AGPAT5: variants seen among roughly 807,000 people sequenced by gnomAD.
The protein encoded by AGPAT5 is 1-acylglycerol-3-phosphate O-acyltransferase 5, also known as 1-acyl-sn-glycerol-3-phosphate acyltransferase epsilon.
Under a neutral mutation model 45.6 loss-of-function variants are expected in AGPAT5, and 46 were observed. That is an observed-to-expected ratio of 1.01 (90% CI 0.80 to 1.29). The LOEUF (loss-of-function observed/expected upper bound fraction) is 1.29. Among genes scored for constraint, AGPAT5 ranks in the 50% most tolerant of loss-of-function variants. The probability of loss-of-function intolerance (pLI) is 0.00; values close to 1 mark genes in which losing one functional copy is unlikely to be tolerated. For missense variants in AGPAT5, 673 were observed against 450.7 expected (o/e 1.49, Z -4.47); for synonymous variants, 272 against 167.0 (o/e 1.63, Z -4.85).
At chr8:6,731,311 G>A (rs1563292057) in intron 3 of AGPAT5, among the ~76,000 whole-genome samples, 1 of 151,954 alleles carries the variant, frequency 6.6e-6, no homozygotes, top group Non-Finnish European at 1.5e-5. Context: ...ATCCATATGC[G>A]GTTTTCCTTC....
In AGPAT5 at chr8:6,753,136, G is replaced by A. The variant is rs1801711598; in HGVS notation, c.746-1915G>A. On this transcript the variant is annotated intron_variant, in intron 6 of 7. Transcript: ENST00000285518. ...CATTCTGAGCACATGTACGTTTTAG[G>A]AAAAACAAAAGGACCCATGCACATT... is the stretch of plus-strand genomic sequence containing the variant. Among the ~76,000 whole-genome samples the A allele has an allele frequency of 2.0e-5, 3 of 152,302 alleles. No individual in the cohort carries two copies. In the South Asian group the frequency reaches 6.2e-4, roughly 32 times the overall value.
intron 4 of AGPAT5, among the ~76,000 whole-genome samples, chr8:6,736,686 G>T (rs1801063555): frequency 6.6e-6 from 1 of 152,200 alleles, no homozygotes. Flanking sequence ...GCCCCTTAAG[G>T]CTCCTCTAGC....
intron 5 of AGPAT5, among the ~76,000 whole-genome samples, chr8:6,745,558 T>G (rs932267177): frequency 2.0e-5 from 3 of 152,222 alleles, no homozygotes; most frequent in Admixed American, 6.5e-5. Flanking sequence ...AATTTTAACT[T>G]TATTGTAGAA....
rs1801885275 is a variant in AGPAT5, at chr8:6,757,512, G to A, written c.*124G>A. On this transcript the variant is annotated 3_prime_UTR_variant, in exon 8 of 8. Coordinates refer to ENST00000285518, the MANE Select transcript of AGPAT5 (RefSeq NM_018361.5). ...AATAAAGCCTTGTTGATTGAAGATT[G>A]GATAATAGAATTTGTGACGAAAGCT... The A allele has an allele frequency of 1.3e-6, 1 of 754,770 alleles. No homozygotes were observed. The highest frequency in any genetic ancestry group is 2.2e-6 in the Non-Finnish European group (1 of 464,494). The allele number at this position is 754,770 out of a possible 1,614,324, so 46.8% of individuals were successfully genotyped here.
chr8:6,728,350 A>G (rs1270912188), intron 2 of AGPAT5, among the ~76,000 whole-genome samples: 3 of 152,270 alleles, frequency 2.0e-5, no homozygotes, highest in African/African-American at 7.2e-5. Context: ...CTGATGTCCT[A>G]TCTGAAAGGT....
rs1801514674 is a variant in AGPAT5 at position 6,747,557 on chromosome 8, T to A, written c.587-113T>A. 9 of 1,005,370 alleles carry A rather than the reference T, an allele frequency of 9.0e-6. No individual in the cohort carries two copies. The South Asian group carries it at 1.6e-4, about 18-fold the overall frequency. The allele number at this position is 1,005,370 out of a possible 1,614,324, so 62.3% of individuals were successfully genotyped here. ...CCCTAAATATATGAGGTTGTGGAAT[T>A]AATAGATTCTGTTGTGTGTGTTTGA... On this transcript the variant is annotated intron_variant, in intron 5 of 7. Transcript: ENST00000285518.
intron 1 of AGPAT5, among the ~76,000 whole-genome samples, chr8:6,715,556 C>T (rs1364213707): frequency 6.6e-6 from 1 of 152,152 alleles, no homozygotes; most frequent in East Asian, 1.9e-4. Flanking sequence ...TCCTCTTTTA[C>T]AGACAAGGAA....
chr8:6,747,616 A>G (rs1447791905), intron 5 of AGPAT5, 54 bp from the exon 6 acceptor site: 8 of 1,498,354 alleles, frequency 5.3e-6, no homozygotes, highest in South Asian at 2.4e-5. Context: ...GTTAAACAGT[A>G]TATTGTGGAG....
intron 4 of AGPAT5, among the ~76,000 whole-genome samples, chr8:6,741,043 C>T (rs1003055480): frequency 6.6e-6 from 1 of 152,076 alleles, no homozygotes; most frequent in Non-Finnish European, 1.5e-5. Flanking sequence ...TAATTGATTA[C>T]TTATTAAACG....
chr8:6,711,856 C>G (rs1428759340), intron 1 of AGPAT5, among the ~76,000 whole-genome samples: 2 of 152,224 alleles, frequency 1.3e-5, no homozygotes, highest in East Asian at 1.9e-4. Context: ...ACATCTCACT[C>G]TCCCTTTCTC....
chr8:6,711,662 C>G (rs564375046), intron 1 of AGPAT5, among the ~76,000 whole-genome samples: 6 of 152,264 alleles, frequency 3.9e-5, no homozygotes, highest in Admixed American at 6.5e-5. Flanking sequence ...AACTTAAGTT[C>G]TCGTGATTCT....
intron 1 of AGPAT5, among the ~76,000 whole-genome samples, chr8:6,717,771 A>C (rs1800378981): frequency 6.6e-6 from 1 of 152,092 alleles, no homozygotes; most frequent in South Asian, 2.1e-4. Flanking sequence ...ATATAGGAAT[A>C]AATTTTTTGT....
intron 4 of AGPAT5, among the ~76,000 whole-genome samples, chr8:6,734,287 C>T (rs1370282932): frequency 3.3e-5 from 5 of 150,892 alleles, no homozygotes; most frequent in South Asian, 4.2e-4. Flanking sequence ...TTTTACGCCC[C>T]CTCCCTTTTT....
intron 6 of AGPAT5, among the ~76,000 whole-genome samples, chr8:6,750,252 C>T (rs904146311): frequency 1.3e-4 from 20 of 152,200 alleles, no homozygotes; most frequent in Admixed American, 9.8e-4. Context: ...TTCCCAGCCG[C>T]ATCATAAGTG....
At chr8:6,743,391 G>A (rs1314177361) in intron 5 of AGPAT5, among the ~76,000 whole-genome samples, 1 of 152,152 alleles carries the variant, frequency 6.6e-6, no homozygotes, top group East Asian at 1.9e-4. Flanking sequence ...TCGCTTGACT[G>A]GCCCAAAAGG....
intron 5 of AGPAT5, among the ~76,000 whole-genome samples, chr8:6,744,480 C>T (rs927680359): frequency 4.6e-5 from 7 of 152,210 alleles, no homozygotes; most frequent in Non-Finnish European, 1.0e-4. Flanking sequence ...CAGCTGAAAT[C>T]AAGGTGTTGG....
chr8:6,756,692 T>C (rs569114941), intron 7 of AGPAT5, among the ~76,000 whole-genome samples: 25 of 152,214 alleles, frequency 1.6e-4, no homozygotes, highest in African/African-American at 5.8e-4. Context: ...TATCAGGGAC[T>C]TGAGCATCCT....
chr8:6,757,247 C>A lies in AGPAT5; in HGVS notation c.954C>A (p.Ile318=). The A allele has an allele frequency of 1.2e-6, 2 of 1,614,116 alleles. No individual in the cohort carries two copies. The highest frequency in any genetic ancestry group is 1.7e-6 in the Non-Finnish European group (2 of 1,179,996). ...PGKSVNSKLS[I]KKTLPSMLIL... ...AAAGTGTTAATTCCAAATTAAGTAT[C>A]AAGAAGACTTTACCATCAATGTTGA... is the stretch of plus-strand genomic sequence containing the variant. The change falls in exon 8 of 8, where the codon ATC becomes ATA. Residue 318 remains isoleucine, a synonymous_variant. Transcript: ENST00000285518.
At chr8:6,732,341 A>G (rs1267690854) in intron 3 of AGPAT5, among the ~76,000 whole-genome samples, 1 of 152,238 alleles carries the variant, frequency 6.6e-6, no homozygotes, top group Non-Finnish European at 1.5e-5. Context: ...TGTGTTTTCC[A>G]ATACAGTGTC....
Sources: allele counts gnomAD v4.1 joint callset (sites outside exome capture counted in the v4.1 genomes callset), GRCh38; gene constraint gnomAD v4.1.1; transcripts MANE v1.5; gene names NCBI Gene and HGNC (gene_info 2026-07-23, HGNC 2026-07-21).